Variants in PRDM11 observed in about 807,000 individuals in gnomAD.
PRDM11 encodes the protein PR domain-containing protein 11.
A neutral mutation model predicts 97.8 loss-of-function variants in PRDM11; 20 were observed. The observed-to-expected ratio is 0.20, with a 90% confidence interval of 0.14 to 0.30. PRDM11 has a LOEUF of 0.30. Among genes scored for constraint, PRDM11 ranks in the 10% least tolerant of loss-of-function variants. The pLI is 1.00. For missense variants in PRDM11, 1,139 were observed against 1,555.2 expected, an observed-to-expected ratio of 0.73 and a Z score of 4.50; for synonymous variants, 599 against 637.7, an observed-to-expected ratio of 0.94 and a Z score of 0.91.
chr11:45,111,059 A>C (rs568980337), intron 1 of PRDM11, among the ~76,000 whole-genome samples: 1 of 151,758 alleles, frequency 6.6e-6, no homozygotes, highest in Admixed American at 6.6e-5. Flanking sequence ...TCATCTCACC[A>C]GCTCTCTGGG....
At chr11:45,167,759 C>CCACACACACACACACA (rs34333065) in intron 1 of PRDM11, among the ~76,000 whole-genome samples, 3 of 143,324 alleles carry the variant, frequency 2.1e-5, no homozygotes, top group African/African-American at 7.7e-5. Context: ...TCATTTCACA[C>CCACACACACACACACA]CACACACACA....
chr11:45,156,052 C>G (rs1404966607), intron 1 of PRDM11, among the ~76,000 whole-genome samples: 4 of 152,152 alleles, frequency 2.6e-5, no homozygotes, highest in African/African-American at 9.7e-5. Context: ...TGTCTGATTC[C>G]AGAGTCTGAG....
intron 1 of PRDM11, among the ~76,000 whole-genome samples, chr11:45,153,481 G>A (rs1199210811): frequency 6.6e-6 from 1 of 152,220 alleles, no homozygotes; most frequent in African/African-American, 2.4e-5. Context: ...GAGCACCAGT[G>A]AATGGCTTAG....
At chr11:45,208,358 A>C (rs1385164885) in intron 5 of PRDM11, among the ~76,000 whole-genome samples, 1 of 152,166 alleles carries the variant, frequency 6.6e-6, no homozygotes, top group Non-Finnish European at 1.5e-5. Flanking sequence ...CAGTGTAAAT[A>C]GTTTCCCTGG....
intron 3 of PRDM11, 95 bp from the exon 4 acceptor site, chr11:45,182,766 A>C: frequency 1.4e-6 from 2 of 1,405,072 alleles, no homozygotes; most frequent in Non-Finnish European, 1.9e-6. Context: ...CTGGCTGTCC[A>C]TGAGTGGGCC....
At position 45,128,497 on chromosome 11, in the gene PRDM11, C is replaced by T. The variant is rs1011084848; in HGVS notation, c.96+32596C>T. 3.3e-5 allele frequency among the ~76,000 whole-genome samples: 5 copies of T among 151,570 alleles called. 1 individual carries two copies. The East Asian group carries it at 7.8e-4, about 24-fold the overall frequency. ...CTATTCAGCCATCTTGGCTACACCC[C>T]GCGCACCCCCCCTCCCCCCGCTGAT... On this transcript the variant is annotated intron_variant, in intron 1 of 6. Transcript: ENST00000530656.
intron 1 of PRDM11, among the ~76,000 whole-genome samples, chr11:45,101,405 A>C (rs1851972677): frequency 6.6e-6 from 1 of 152,008 alleles, no homozygotes; most frequent in Non-Finnish European, 1.5e-5. Context: ...AAAATACAAA[A>C]ATTAGCTGGG....
At chr11:45,217,695 A>T (rs954835702) in intron 5 of PRDM11, among the ~76,000 whole-genome samples, 3 of 152,196 alleles carry the variant, frequency 2.0e-5, no homozygotes, top group African/African-American at 7.2e-5. Flanking sequence ...GGCTCTCCAG[A>T]TGAGCAAGGC....
At chr11:45,156,047 G>A (rs1851786075) in intron 1 of PRDM11, among the ~76,000 whole-genome samples, 1 of 152,196 alleles carries the variant, frequency 6.6e-6, no homozygotes, top group African/African-American at 2.4e-5. Flanking sequence ...AGGTCTGTCT[G>A]ATTCCAGAGT....
At chr11:45,140,182 A>G (rs1852972908) in intron 1 of PRDM11, among the ~76,000 whole-genome samples, 1 of 152,226 alleles carries the variant, frequency 6.6e-6, no homozygotes, top group Non-Finnish European at 1.5e-5. Flanking sequence ...TATGAAAACA[A>G]TGCTACATTG....
chr11:45,137,526 G>T (rs1319861797), intron 1 of PRDM11, among the ~76,000 whole-genome samples: 2 of 152,210 alleles, frequency 1.3e-5, no homozygotes, highest in Non-Finnish European at 2.9e-5. Flanking sequence ...CAAGGCAGGA[G>T]AATTGCTTGA....
chr11:45,141,144 C>G (rs1044766002), intron 1 of PRDM11, among the ~76,000 whole-genome samples: 1 of 152,212 alleles, frequency 6.6e-6, no homozygotes, highest in Non-Finnish European at 1.5e-5. Context: ...CCTGGCTAGA[C>G]ACACTGTTAA....
intron 1 of PRDM11, among the ~76,000 whole-genome samples, chr11:45,136,606 A>G (rs552631105): frequency 2.0e-5 from 3 of 152,202 alleles, no homozygotes; most frequent in Non-Finnish European, 4.4e-5. Context: ...AAGGCTTAGA[A>G]ATGGCAAGAA....
rs1333123823 is a variant in PRDM11 at position 45,233,235 on chromosome 11, G to C, written c.*5076G>C. On this transcript the variant is annotated 3_prime_UTR_variant, in exon 8 of 8. Transcript: ENST00000683152. Reference sequence around the variant, plus strand: ...GGGAAGGGAGCACGGCCTTCGGAGAGGGAGCCGGGGAAGGCCAGCAGGCAG... The same window carrying C: ...GGGAAGGGAGCACGGCCTTCGGAGACGGAGCCGGGGAAGGCCAGCAGGCAG... The C allele has an allele frequency of 6.6e-6, 1 of 152,334 alleles. No homozygotes were observed. Among genetic ancestry groups the C allele is most frequent in the Non-Finnish European group, 1.5e-5 (1 of 68,148 alleles). The allele number at this position is 152,334 out of a possible 1,614,324, so 9.4% of individuals were successfully genotyped here.
chr11:45,133,255 G>C (rs1419975783), intron 1 of PRDM11, among the ~76,000 whole-genome samples: 2 of 151,976 alleles, frequency 1.3e-5, no homozygotes, highest in Non-Finnish European at 2.9e-5. Context: ...CACTTCCATG[G>C]GGTAATACCA....
intron 4 of PRDM11, 82 bp downstream of exon 4, chr11:45,183,205 G>C: frequency 2.0e-6 from 3 of 1,483,992 alleles, no homozygotes; most frequent in Non-Finnish European, 2.7e-6. Context: ...TACTGGCCCA[G>C]CTTGGCCCCA....
upstream of PRDM11, among the ~76,000 whole-genome samples, chr11:45,094,660 A>G (rs1851860284): frequency 7.2e-6 from 1 of 138,794 alleles, no homozygotes; most frequent in Admixed American, 7.2e-5. Context: ...GGGAGGAAAG[A>G]AGGAAGGAAG....
intron 1 of PRDM11, among the ~76,000 whole-genome samples, chr11:45,169,183 G>A (rs924427871): frequency 6.6e-6 from 1 of 152,204 alleles, no homozygotes; most frequent in South Asian, 2.1e-4. Context: ...AAAAAAAGTA[G>A]ATAGAAAAGT....
At position 45,227,211 on chromosome 11, in the gene PRDM11, G is replaced by A. The variant is rs1047305536; in HGVS notation, c.2586G>A (p.Ser862=). The change falls in exon 8 of 8, where the codon TCG becomes TCA. Residue 862 remains serine, a synonymous_variant. Transcript: ENST00000683152. The surrounding 1 kb of genome is among the most constrained non-coding windows in gnomAD (Gnocchi z 8.0). ...VSSQTQRADA[S]AIALALLQFL... ...GCCAGACCCAGCGGGCAGACGCCTCGGCCATCGCACTGGCCCTGCTGCAGT... is the reference window on the plus strand; with the variant it reads ...GCCAGACCCAGCGGGCAGACGCCTCAGCCATCGCACTGGCCCTGCTGCAGT... The A allele has an allele frequency of 7.8e-6, 12 of 1,533,920 alleles. No individual in the cohort carries two copies. Among genetic ancestry groups the A allele is most frequent in the Admixed American group, 2.0e-5 (1 of 50,992 alleles).
Sources: gnomAD v4.1 joint callset for allele counts (sites outside exome capture counted in the v4.1 genomes callset) on GRCh38, gnomAD v4.1.1 for gene constraint, Gnocchi (gnomAD v3.1) non-coding constraint, MANE v1.5 for transcripts, NCBI Gene and HGNC (gene_info 2026-07-23, HGNC 2026-07-21) for gene names.